The following HHAT variants were observed in gnomAD, a reference collection of about 807,000 sequenced individuals.
HHAT encodes the protein protein-cysteine N-palmitoyltransferase HHAT.
A neutral mutation model predicts 70.8 loss-of-function variants in HHAT; 47 were observed. The ratio of observed to expected loss-of-function variants is 0.66; its 90% CI spans 0.53 to 0.85. The LOEUF (loss-of-function observed/expected upper bound fraction) is 0.85, where lower values mean the gene tolerates loss of function less well. Ranked by LOEUF, HHAT falls within the 40% of genes least tolerant of loss-of-function variation. The pLI, the probability that HHAT is intolerant of heterozygous loss-of-function variation, is 0.00. For synonymous variants in HHAT, 228 were observed against 247.6 expected, an observed-to-expected ratio of 0.92 and a Z score of 0.74; for missense variants, 609 against 604.8, an observed-to-expected ratio of 1.01 and a Z score of -0.07.
intron 7 of HHAT, among the ~76,000 whole-genome samples, chr1:210,430,957 C>T (rs1471103713): frequency 6.6e-6 from 1 of 151,750 alleles, no homozygotes; most frequent in Non-Finnish European, 1.5e-5. Flanking sequence ...ATCTTACATT[C>T]TATAGCTGGT....
At chr1:210,393,440 G>GT (rs1299517556) in intron 4 of HHAT, among the ~76,000 whole-genome samples, 3 of 152,174 alleles carry the variant, frequency 2.0e-5, no homozygotes, top group African/African-American at 7.2e-5. Context: ...GGGAGTCACA[G>GT]TTGAGTGGGA....
At chr1:210,418,666 A>C (rs535547388) in intron 7 of HHAT, among the ~76,000 whole-genome samples, 1 of 152,252 alleles carries the variant, frequency 6.6e-6, no homozygotes, top group South Asian at 2.1e-4. Context: ...GGCAGCTTTG[A>C]GTTCATTCTA....
At chr1:210,352,624 G>A (rs921877187) in intron 2 of HHAT, among the ~76,000 whole-genome samples, 15 of 152,280 alleles carry the variant, frequency 9.9e-5, no homozygotes, top group Middle Eastern at 3.4e-3. Context: ...CTCATTCACT[G>A]CTGTCTCTAT....
At position 210,343,683 on chromosome 1, in the gene HHAT, C is replaced by T. The variant is rs557072479; in HGVS notation, c.-43-5250C>T. The stretch of plus-strand genomic sequence containing the variant: ...GGGCTGAAAGCCTGCGGGTGGTCCC[C>T]GGGGATAGTTTGCTTGCTGTCCAGG... On this transcript the variant is annotated intron_variant, in intron 1 of 11. Transcript: ENST00000261458. 8.5e-5 allele frequency among the ~76,000 whole-genome samples: 13 copies of T among 152,184 alleles called. 1 individual carries two copies. The South Asian group carries it at 1.9e-3, about 22-fold the overall frequency.
At chr1:210,553,790 C>G (rs557591989) in intron 9 of HHAT, among the ~76,000 whole-genome samples, 2 of 152,314 alleles carry the variant, frequency 1.3e-5, no homozygotes, top group African/African-American at 4.8e-5. Context: ...GCCTCCTCCT[C>G]TCCCTCTCTC....
At chr1:210,514,415 T>C (rs938856276) in intron 9 of HHAT, among the ~76,000 whole-genome samples, 4 of 152,192 alleles carry the variant, frequency 2.6e-5, no homozygotes, top group African/African-American at 9.6e-5. Context: ...GGCATGAACA[T>C]TCCATATTTG....
At position 210,334,178 on chromosome 1, in the gene HHAT, A is replaced by ATTTTTTTTT. The variant is rs3033354; in HGVS notation, c.-44+5086_-44+5094dup. 4.5e-3 allele frequency among the ~76,000 whole-genome samples: 453 copies of ATTTTTTTTT among 99,934 alleles called. 95 individuals are homozygous for ATTTTTTTTT. The highest frequency in any genetic ancestry group is 0.017 in the Admixed American group (121 of 7,270). The allele number at this position is 99,934 out of a possible 152,430, so 65.6% of individuals were successfully genotyped here. On this transcript the variant is annotated intron_variant, in intron 1 of 11. Coordinates refer to ENST00000261458, the MANE Select transcript of HHAT (RefSeq NM_018194.6). The stretch of plus-strand genomic sequence containing the variant: ...TACTTGCTGGCCACTTTAGCGTGTC[A>ATTTTTTTTT]TTTTTTTTTTTTTTTTTTTTGAGAA...
chr1:210,421,993 T>C (rs2092917600), intron 7 of HHAT, among the ~76,000 whole-genome samples: 1 of 152,170 alleles, frequency 6.6e-6, no homozygotes, highest in African/African-American at 2.4e-5. Flanking sequence ...TTTACTTTTT[T>C]GGGTCTTTCA....
intron 9 of HHAT, among the ~76,000 whole-genome samples, chr1:210,569,395 A>AAAAAAAAAAAAAAAAAAAAAAC (rs1468307759): frequency 2.7e-5 from 4 of 147,444 alleles, no homozygotes; most frequent in African/African-American, 4.9e-5. Flanking sequence ...AAAAAAAAAA[A>AAAAAAAAAAAAAAAAAAAAAAC]AAAAGCGTAT....
intron 9 of HHAT, among the ~76,000 whole-genome samples, chr1:210,561,583 G>A (rs1212447143): frequency 6.6e-6 from 1 of 152,148 alleles, no homozygotes; most frequent in African/African-American, 2.4e-5. Flanking sequence ...TTGTTTTACT[G>A]CTGCTCTGTA....
intron 8 of HHAT, among the ~76,000 whole-genome samples, chr1:210,483,220 G>GGGA: frequency 6.6e-6 from 1 of 152,142 alleles, no homozygotes; most frequent in South Asian, 2.1e-4. Flanking sequence ...TGTTGCCATG[G>GGGA]GGAGAGTGTT....
intron 7 of HHAT, among the ~76,000 whole-genome samples, chr1:210,448,420 G>C (rs1433230275): frequency 6.6e-6 from 1 of 152,184 alleles, no homozygotes; most frequent in Non-Finnish European, 1.5e-5. Context: ...TTTTGTGTGT[G>C]CATATGAGGG....
chr1:210,542,373 AT>A, intron 9 of HHAT, among the ~76,000 whole-genome samples: 1 of 152,174 alleles, frequency 6.6e-6, no homozygotes, highest in East Asian at 1.9e-4. Flanking sequence ...ACACATTTTG[AT>A]TTCTTTACAA....
At chr1:210,467,659 G>T (rs2094132826) in intron 8 of HHAT, among the ~76,000 whole-genome samples, 1 of 152,160 alleles carries the variant, frequency 6.6e-6, no homozygotes, top group Non-Finnish European at 1.5e-5. Context: ...GTGACATAAA[G>T]GGCATGGTGG....
chr1:210,666,714 C>T (rs1315696311), intron 11 of HHAT, among the ~76,000 whole-genome samples: 10 of 152,082 alleles, frequency 6.6e-5, no homozygotes, highest in Admixed American at 6.5e-4. Context: ...GAACTCCTGG[C>T]CTCAAGTGAT....
chr1:210,635,064 A>C (rs1671617762), intron 11 of HHAT, among the ~76,000 whole-genome samples: 1 of 152,218 alleles, frequency 6.6e-6, no homozygotes, highest in Non-Finnish European at 1.5e-5. Context: ...TGATTTTAAA[A>C]CAAAGCCAAA....
intron 1 of HHAT, among the ~76,000 whole-genome samples, chr1:210,343,646 G>A (rs1027824719): frequency 7.9e-5 from 12 of 152,210 alleles, no homozygotes; most frequent in Non-Finnish European, 1.8e-4. Context: ...TAGGTGGTGA[G>A]GAAGAGGCAC....
At chr1:210,491,450 CTG>C (rs1160835355) in intron 8 of HHAT, among the ~76,000 whole-genome samples, 1 of 152,178 alleles carries the variant, frequency 6.6e-6, no homozygotes, top group Non-Finnish European at 1.5e-5. Context: ...AGCCGTGAAA[CTG>C]TGCTTCCTGG....
chr1:210,415,711 C>T (rs1021844910), intron 6 of HHAT, among the ~76,000 whole-genome samples: 6 of 151,744 alleles, frequency 4.0e-5, no homozygotes, highest in African/African-American at 7.3e-5. Context: ...CAGGGTGGAG[C>T]GCAGTGGTAC....
Sources: allele counts gnomAD v4.1 joint callset (sites outside exome capture counted in the v4.1 genomes callset), GRCh38; gene constraint gnomAD v4.1.1; transcripts MANE v1.5; gene names NCBI Gene and HGNC (gene_info 2026-07-23, HGNC 2026-07-21).